Variants in DNAJC1 observed in about 807,000 individuals in gnomAD.
DNAJC1 encodes the protein dnaJ homolog subfamily C member 1.
Under a neutral mutation model 76.6 loss-of-function variants are expected in DNAJC1, and 58 were observed. That is an observed-to-expected ratio of 0.76 (90% CI 0.61 to 0.94). The LOEUF (loss-of-function observed/expected upper bound fraction) is 0.94, where lower values mean the gene tolerates loss of function less well. Among genes scored for constraint, DNAJC1 ranks in the 40% least tolerant of loss-of-function variants. DNAJC1 has a pLI of 0.00. For synonymous variants in DNAJC1, 258 were observed against 267.9 expected (o/e 0.96, Z 0.36); for missense variants, 689 against 677.3 (o/e 1.02, Z -0.19).
intron 3 of DNAJC1, among the ~76,000 whole-genome samples, chr10:21,921,396 T>C (rs1423770212): frequency 1.3e-5 from 2 of 152,034 alleles, no homozygotes; most frequent in Admixed American, 6.6e-5. Context: ...AAATTCAGAA[T>C]AAATTTTCTA....
intron 8 of DNAJC1, among the ~76,000 whole-genome samples, chr10:21,871,264 C>CG (rs768027420): frequency 1.3e-5 from 2 of 151,072 alleles, no homozygotes; most frequent in East Asian, 3.9e-4. Flanking sequence ...TTCAAGGCTG[C>CG]GCACATACTC....
intron 8 of DNAJC1, among the ~76,000 whole-genome samples, chr10:21,834,256 T>A (rs1357598213): frequency 2.6e-5 from 4 of 151,284 alleles, no homozygotes; most frequent in Non-Finnish European, 4.4e-5. Flanking sequence ...AGAGCAAGAC[T>A]CCATCTCAAA....
At chr10:21,995,796 T>C (rs1031578385) in intron 1 of DNAJC1, among the ~76,000 whole-genome samples, 23 of 152,220 alleles carry the variant, frequency 1.5e-4, no homozygotes, top group African/African-American at 4.6e-4. Flanking sequence ...GAAACACTTA[T>C]CAAATATGGT....
chr10:21,969,297 C>T lies in DNAJC1; in HGVS notation c.222+33916G>A, dbSNP rs1011758520. On this transcript the variant is annotated intron_variant, in intron 1 of 11. Transcript: ENST00000376980. The stretch of plus-strand genomic sequence containing the variant: ...GAATAATCCTTTAACTCCTAAAATC[C>T]AAACGACTGTGAAGAGAGGATGAGG... Among the ~76,000 whole-genome samples the T allele has an allele frequency of 5.4e-5, 8 of 148,814 alleles. No homozygotes were observed. The East Asian group carries it at 1.6e-3, about 30-fold the overall frequency.
At chr10:21,817,029 G>T (rs191306257) in intron 8 of DNAJC1, among the ~76,000 whole-genome samples, 3 of 149,272 alleles carry the variant, frequency 2.0e-5, no homozygotes, top group Non-Finnish European at 4.5e-5. Flanking sequence ...GCGTGGTGGC[G>T]GGTGCCTGTA....
intron 10 of DNAJC1, among the ~76,000 whole-genome samples, chr10:21,764,913 T>C (rs1834279763): frequency 6.6e-6 from 1 of 152,208 alleles, no homozygotes; most frequent in African/African-American, 2.4e-5. Context: ...TTCTGGTGCC[T>C]TCTCTCAGCC....
intron 1 of DNAJC1, among the ~76,000 whole-genome samples, chr10:21,965,960 T>C (rs1297120807): frequency 1.3e-5 from 2 of 152,238 alleles, no homozygotes; most frequent in African/African-American, 2.4e-5. Context: ...AGAGACTTTG[T>C]CTAAGATCAC....
At chr10:21,884,347 A>C (rs1836333899) in intron 7 of DNAJC1, among the ~76,000 whole-genome samples, 1 of 152,202 alleles carries the variant, frequency 6.6e-6, no homozygotes, top group African/African-American at 2.4e-5. Context: ...AAGAAATACA[A>C]ATTAAGTAAT....
At chr10:21,799,698 T>C (rs1414442013) in intron 9 of DNAJC1, among the ~76,000 whole-genome samples, 4 of 152,118 alleles carry the variant, frequency 2.6e-5, no homozygotes, top group Non-Finnish European at 5.9e-5. Context: ...AGGGTCCCTA[T>C]CATGCCGTCC....
In DNAJC1 at chr10:21,872,143, G is replaced by GGCTCACCGTAACCTCA. The variant is rs1417816573; in HGVS notation, c.978+10123_978+10138dup. Reference sequence around the variant, plus strand: ...GGCTGGAGTGCAGTGGTGTGACCTTGGCTCACCGTAACCTCAACCTCCTGG... The same window carrying GGCTCACCGTAACCTCA: ...GGCTGGAGTGCAGTGGTGTGACCTTGGCTCACCGTAACCTCAGCTCACCGTAACCTCAACCTCCTGG... On this transcript the variant is annotated intron_variant, in intron 8 of 11. Transcript: ENST00000376980. 2.7e-5 allele frequency among the ~76,000 whole-genome samples: 4 copies of GGCTCACCGTAACCTCA among 145,810 alleles called. No homozygotes were observed. In the East Asian group the frequency reaches 8.0e-4, roughly 29 times the overall value.
intron 9 of DNAJC1, among the ~76,000 whole-genome samples, chr10:21,787,519 A>C (rs879523057): frequency 3.3e-5 from 5 of 152,172 alleles, no homozygotes; most frequent in Non-Finnish European, 7.3e-5. Flanking sequence ...GACAGCCAAA[A>C]ACAATGAATA....
intron 1 of DNAJC1, among the ~76,000 whole-genome samples, chr10:21,948,713 T>C (rs1223774508): frequency 6.6e-6 from 1 of 152,218 alleles, no homozygotes; most frequent in Non-Finnish European, 1.5e-5. Context: ...GATATGAATA[T>C]ATAGGAAAAA....
chr10:21,846,333 C>G (rs1835658797), intron 8 of DNAJC1, among the ~76,000 whole-genome samples: 1 of 152,060 alleles, frequency 6.6e-6, no homozygotes, highest in Non-Finnish European at 1.5e-5. Flanking sequence ...CCTTAGAAAA[C>G]AATTTTGGGC....
At chr10:21,775,335 T>C (rs976055479) in intron 9 of DNAJC1, among the ~76,000 whole-genome samples, 3 of 148,490 alleles carry the variant, frequency 2.0e-5, no homozygotes, top group Non-Finnish European at 4.5e-5. Flanking sequence ...AAATGGCTTT[T>C]TTTTTTTTTT....
intron 8 of DNAJC1, among the ~76,000 whole-genome samples, chr10:21,853,436 C>T (rs552328993): frequency 3.9e-5 from 6 of 152,124 alleles, no homozygotes; most frequent in South Asian, 2.1e-4. Flanking sequence ...AAACTGACCA[C>T]GTTTATGGAA....
At chr10:21,784,474 T>C (rs967640730) in intron 9 of DNAJC1, among the ~76,000 whole-genome samples, 2 of 152,192 alleles carry the variant, frequency 1.3e-5, no homozygotes, top group African/African-American at 2.4e-5. Flanking sequence ...AGATCAACCA[T>C]TGTGGAAGTC....
At chr10:21,880,218 A>G (rs752113590) in intron 8 of DNAJC1, among the ~76,000 whole-genome samples, 2 of 152,316 alleles carry the variant, frequency 1.3e-5, no homozygotes, top group Non-Finnish European at 2.9e-5. Context: ...TATTCACACC[A>G]TATCAGCAGT....
At chr10:21,929,012 T>A (rs1284609367) in intron 2 of DNAJC1, 28 bp downstream of exon 2, 4 of 1,342,504 alleles carry the variant, frequency 3.0e-6, no homozygotes, top group Middle Eastern at 1.9e-4. Flanking sequence ...TGTCACAAAA[T>A]ATATATATAA....
At chr10:21,846,440 T>C (rs1018753010) in intron 8 of DNAJC1, among the ~76,000 whole-genome samples, 1 of 152,132 alleles carries the variant, frequency 6.6e-6, no homozygotes. Flanking sequence ...TGTGGCTAAA[T>C]GCATCTGTGG....
Sources: allele counts gnomAD v4.1 joint callset (sites outside exome capture counted in the v4.1 genomes callset), GRCh38; gene constraint gnomAD v4.1.1; transcripts MANE v1.5; gene names NCBI Gene and HGNC (gene_info 2026-07-23, HGNC 2026-07-21).